The following DSCAM variants were observed in gnomAD, a reference collection of about 807,000 sequenced individuals.
DSCAM encodes DS cell adhesion molecule.
A neutral mutation model predicts 217.7 loss-of-function variants in DSCAM; 47 were observed. The observed-to-expected ratio is 0.22, with a 90% confidence interval of 0.17 to 0.28. The LOEUF (loss-of-function observed/expected upper bound fraction) is 0.28. Ranked by LOEUF, DSCAM falls within the 10% of genes least tolerant of loss-of-function variation. The pLI, the probability that DSCAM is intolerant of heterozygous loss-of-function variation, is 1.00. For synonymous variants in DSCAM, 1,056 were observed against 1,015.3 expected, an observed-to-expected ratio of 1.04 and a Z score of -0.76; for missense variants, 2,080 against 2,618.3, an observed-to-expected ratio of 0.79 and a Z score of 4.49.
At chr21:40,463,098 T>C (rs2075818584) in intron 3 of DSCAM, among the ~76,000 whole-genome samples, 1 of 152,132 alleles carries the variant, frequency 6.6e-6, no homozygotes, top group African/African-American at 2.4e-5. Flanking sequence ...ATTTGACATA[T>C]AAAACAGCAA....
chr21:40,360,121 G>GTTTTTTTTTTTTTTTTTTTTTTT lies in DSCAM; in HGVS notation c.656-6379_656-6378insAAAAAAAAAAAAAAAAAAAAAAA, dbSNP rs764160478. 4.2e-4 allele frequency among the ~76,000 whole-genome samples: 35 copies of GTTTTTTTTTTTTTTTTTTTTTTT among 82,656 alleles called. 16 individuals carry two copies. Among genetic ancestry groups the GTTTTTTTTTTTTTTTTTTTTTTT allele is most frequent in the South Asian group, 8.2e-4 (2 of 2,428 alleles). 54.2% of individuals were successfully genotyped at this position (82,656 alleles called of 152,430 possible). On this transcript the variant is annotated intron_variant, in intron 4 of 32. Coordinates refer to ENST00000400454, the MANE Select transcript of DSCAM (RefSeq NM_001389.5). ...TAGTGAGCATGGTACTTCATAGGTA[G>GTTTTTTTTTTTTTTTTTTTTTTT]TCTTTTTTTTTTTTTTTTTTTTTTT...
intron 3 of DSCAM, among the ~76,000 whole-genome samples, chr21:40,452,429 G>A (rs1236744281): frequency 2.6e-5 from 4 of 151,972 alleles, no homozygotes; most frequent in Non-Finnish European, 5.9e-5. Flanking sequence ...ATGATATTTA[G>A]TGAAGTTAAG....
chr21:40,843,170 C>T (rs78623592), intron 1 of DSCAM, among the ~76,000 whole-genome samples: 397 of 152,212 alleles, frequency 2.6e-3, no homozygotes, highest in African/African-American at 9.0e-3. Flanking sequence ...AAATAGCAAG[C>T]GTGTGCTCTG....
intron 3 of DSCAM, among the ~76,000 whole-genome samples, chr21:40,601,102 T>C (rs1382690413): frequency 6.6e-6 from 1 of 152,212 alleles, no homozygotes; most frequent in African/African-American, 2.4e-5. Context: ...TCTGAATCTA[T>C]AAATCAAGTT....
chr21:40,208,839 TA>T (rs1351653308), intron 11 of DSCAM, among the ~76,000 whole-genome samples: 2 of 152,148 alleles, frequency 1.3e-5, no homozygotes, highest in Admixed American at 6.6e-5. Flanking sequence ...ACCTTTCATT[TA>T]AAAATCTAAA....
chr21:40,670,361 C>T (rs932600665), intron 3 of DSCAM, among the ~76,000 whole-genome samples: 1 of 114,376 alleles, frequency 8.7e-6, no homozygotes, highest in African/African-American at 3.2e-5. Context: ...CATGGTGAAG[C>T]CTCATCTCTA....
At chr21:40,755,306 C>T (rs560281602) in intron 1 of DSCAM, among the ~76,000 whole-genome samples, 3 of 151,892 alleles carry the variant, frequency 2.0e-5, no homozygotes, top group Non-Finnish European at 4.4e-5. Flanking sequence ...ATTAGCTGGG[C>T]GTGGTGGTGC....
intron 1 of DSCAM, among the ~76,000 whole-genome samples, chr21:40,733,220 C>T (rs2091030493): frequency 6.6e-6 from 1 of 152,118 alleles, no homozygotes; most frequent in Non-Finnish European, 1.5e-5. Context: ...GAGACAAGTG[C>T]CAGGGGAGGT....
chr21:40,024,884 C>T lies in DSCAM; in HGVS notation c.5687-11498G>A, dbSNP rs973277839. Among the ~76,000 whole-genome samples the T allele has an allele frequency of 1.4e-4, 11 of 81,400 alleles. 1 individual carries two copies. Among genetic ancestry groups the T allele is most frequent in the African/African-American group, 4.7e-4 (11 of 23,192 alleles). The allele number at this position is 81,400 out of a possible 152,430, so 53.4% of individuals were successfully genotyped here. On this transcript the variant is annotated intron_variant, in intron 32 of 32. Transcript: ENST00000400454. ...CATTTCCTTCTCCTGCCTAATTGCC[C>T]TGGCCAGAACTTCCAACACTATGTT...
chr21:40,117,974 C>G (rs1412314356), intron 20 of DSCAM, among the ~76,000 whole-genome samples: 4 of 150,936 alleles, frequency 2.7e-5, no homozygotes, highest in African/African-American at 9.7e-5. Flanking sequence ...CACACACATA[C>G]ACACACGTGC....
At chr21:40,126,132 G>A (rs773597293) in intron 19 of DSCAM, among the ~76,000 whole-genome samples, 7 of 152,094 alleles carry the variant, frequency 4.6e-5, no homozygotes, top group African/African-American at 7.2e-5. Flanking sequence ...CTGTTTCTAT[G>A]ACAGTTAATG....
At chr21:40,070,899 G>T (rs895695525) in intron 27 of DSCAM, among the ~76,000 whole-genome samples, 2 of 152,186 alleles carry the variant, frequency 1.3e-5, no homozygotes, top group Non-Finnish European at 2.9e-5. Context: ...CCATTTCAAA[G>T]CATGTTTAAA....
At position 40,492,204 on chromosome 21, in the gene DSCAM, A is replaced by T. The variant is rs1301915591; in HGVS notation, c.509-122959T>A. On this transcript the variant is annotated intron_variant, in intron 3 of 32. Coordinates refer to ENST00000400454, the MANE Select transcript of DSCAM (RefSeq NM_001389.5). ...AATTCTACTTTATAATGCATGTGTT[A>T]TTAGGTATAGATTATAGATAATGAG... Among the ~76,000 whole-genome samples, 4 of 152,282 alleles carry T rather than the reference A, an allele frequency of 2.6e-5. No individual in the cohort carries two copies. The East Asian group carries it at 7.7e-4, about 29-fold the overall frequency.
At chr21:40,015,252 G>A (rs1229470469) in intron 32 of DSCAM, among the ~76,000 whole-genome samples, 1 of 152,124 alleles carries the variant, frequency 6.6e-6, no homozygotes, top group Non-Finnish European at 1.5e-5. Flanking sequence ...TACCAATTCA[G>A]TTAATGAAGG....
intron 3 of DSCAM, among the ~76,000 whole-genome samples, chr21:40,406,217 AC>A (rs1234270238): frequency 6.6e-6 from 1 of 152,208 alleles, no homozygotes; most frequent in Non-Finnish European, 1.5e-5. Context: ...ATAAGCTAGG[AC>A]AGTCACTATG....
At chr21:40,653,493 A>C (rs1028598780) in intron 3 of DSCAM, among the ~76,000 whole-genome samples, 1 of 152,196 alleles carries the variant, frequency 6.6e-6, no homozygotes. Flanking sequence ...ACAAGAGGCC[A>C]GAGGCAATCT....
At chr21:40,675,014 A>AACACACACAC (rs375640720) in intron 3 of DSCAM, among the ~76,000 whole-genome samples, 174 of 129,142 alleles carry the variant, frequency 1.3e-3, no homozygotes, top group African/African-American at 4.2e-3. Flanking sequence ...TCATTATATA[A>AACACACACAC]ACACACACAC....
At chr21:40,275,352 C>T (rs2073673064) in intron 11 of DSCAM, among the ~76,000 whole-genome samples, 1 of 151,956 alleles carries the variant, frequency 6.6e-6, no homozygotes, top group African/African-American at 2.4e-5. Flanking sequence ...GGAGGGGAGT[C>T]TGAATAAAGC....
At chr21:40,372,327 G>T (rs2074906944) in intron 3 of DSCAM, among the ~76,000 whole-genome samples, 1 of 152,184 alleles carries the variant, frequency 6.6e-6, no homozygotes, top group Non-Finnish European at 1.5e-5. Context: ...CAATTTATTG[G>T]CAGCAAAAAG....
Sources: gnomAD v4.1 joint callset for allele counts (sites outside exome capture counted in the v4.1 genomes callset) on GRCh38, gnomAD v4.1.1 for gene constraint, MANE v1.5 for transcripts, NCBI Gene and HGNC (gene_info 2026-07-23, HGNC 2026-07-21) for gene names.